The following NSG2 variants were observed in gnomAD, a reference collection of about 807,000 sequenced individuals.
NSG2 encodes neuronal vesicle trafficking-associated protein 2.
In NSG2, 4 loss-of-function variants were observed where a neutral mutation model predicts 16.9. That is an observed-to-expected ratio of 0.24 (90% CI 0.12 to 0.54). The LOEUF is 0.54. Ranked by LOEUF, NSG2 falls within the 20% of genes least tolerant of loss-of-function variation. The pLI, the probability that NSG2 is intolerant of heterozygous loss-of-function variation, is 0.95. For missense variants in NSG2, 179 were observed against 221.1 expected, an observed-to-expected ratio of 0.81 and a Z score of 1.21; for synonymous variants, 98 against 88.7, an observed-to-expected ratio of 1.11 and a Z score of -0.59.
At chr5:174,048,527 A>T (rs1759836175) in intron 2 of NSG2, among the ~76,000 whole-genome samples, 1 of 152,202 alleles carries the variant, frequency 6.6e-6, no homozygotes, top group Admixed American at 6.5e-5. Flanking sequence ...ATATAAGTAG[A>T]GGTTGGGTAG....
At chr5:174,053,414 C>T (rs1400336141) in intron 2 of NSG2, among the ~76,000 whole-genome samples, 1 of 152,034 alleles carries the variant, frequency 6.6e-6, no homozygotes, top group Non-Finnish European at 1.5e-5. Context: ...CGGGGTGGGG[C>T]CTGATGATGC....
intron 3 of NSG2, among the ~76,000 whole-genome samples, chr5:174,092,200 G>A (rs1760731421): frequency 6.6e-6 from 1 of 152,260 alleles, no homozygotes; most frequent in Admixed American, 6.5e-5. Flanking sequence ...CTGATGCTTA[G>A]TCAAGTCATA....
At chr5:174,089,414 A>AT (rs968619665) in intron 3 of NSG2, among the ~76,000 whole-genome samples, 7 of 151,294 alleles carry the variant, frequency 4.6e-5, no homozygotes, top group African/African-American at 1.7e-4. Flanking sequence ...GAGAGGGTGT[A>AT]TTTTTTTTTC....
chr5:174,058,222 T>A (rs575356379), intron 2 of NSG2, among the ~76,000 whole-genome samples: 118 of 152,164 alleles, frequency 7.8e-4, no homozygotes, highest in Non-Finnish European at 1.5e-3. Flanking sequence ...ATCTGAGTGT[T>A]GAGTGATATC....
intron 3 of NSG2, among the ~76,000 whole-genome samples, chr5:174,100,307 G>A (rs1219671464): frequency 6.6e-6 from 1 of 152,232 alleles, no homozygotes; most frequent in Non-Finnish European, 1.5e-5. Flanking sequence ...GCTGAGGCCT[G>A]GACTGCACCC....
In NSG2 at chr5:174,072,660, G is replaced by A. The variant is rs902740523; in HGVS notation, c.213+8345G>A. ...TACCCTAAGAAGCTAGCCAGCACCT[G>A]GCCGGATGAAGCAGTAAAAAATGCC... On this transcript the variant is annotated intron_variant, in intron 3 of 4. Transcript: ENST00000303177. This position sits in a 1 kb window ranked among gnomAD's most constrained non-coding sequence, Gnocchi z 4.0. Among the ~76,000 whole-genome samples, 2 of 152,184 alleles carry A rather than the reference G, an allele frequency of 1.3e-5. No homozygotes were observed. The highest frequency in any genetic ancestry group is 4.8e-5 in the African/African-American group (2 of 41,448).
At chr5:174,093,882 C>T (rs992966106) in intron 3 of NSG2, among the ~76,000 whole-genome samples, 3 of 152,184 alleles carry the variant, frequency 2.0e-5, no homozygotes, top group Non-Finnish European at 4.4e-5. Flanking sequence ...TGTTTCCTGA[C>T]ATGATGAGGG....
intron 3 of NSG2, among the ~76,000 whole-genome samples, chr5:174,067,822 TA>T (rs1426195778): frequency 6.6e-6 from 1 of 152,086 alleles, no homozygotes; most frequent in Non-Finnish European, 1.5e-5. Context: ...AGGTGGAATT[TA>T]CAGGACTTGC....
chr5:174,069,874 ATTTTTTTTTT>A (rs1374503826), intron 3 of NSG2, among the ~76,000 whole-genome samples: 2 of 113,284 alleles, frequency 1.8e-5, no homozygotes, highest in African/African-American at 7.0e-5. Context: ...AAGGTAGGCC[ATTTTTTTTTT>A]TTTTTTTTTT....
chr5:174,104,591 A>G (rs1760948078), intron 4 of NSG2, among the ~76,000 whole-genome samples: 1 of 152,166 alleles, frequency 6.6e-6, no homozygotes, highest in Admixed American at 6.5e-5. Context: ...CACATCAGCA[A>G]TGAGGGAAGC....
At chr5:174,058,771 T>G (rs886269648) in intron 2 of NSG2, among the ~76,000 whole-genome samples, 2 of 152,224 alleles carry the variant, frequency 1.3e-5, no homozygotes, top group African/African-American at 4.8e-5. Context: ...CAAGACCTTT[T>G]GAAATGGAGA....
At chr5:174,100,029 T>A (rs1760875167) in intron 3 of NSG2, among the ~76,000 whole-genome samples, 1 of 152,232 alleles carries the variant, frequency 6.6e-6, no homozygotes, top group South Asian at 2.1e-4. Flanking sequence ...GGCCTTCAGT[T>A]GCAGAAGTTA....
At chr5:174,053,592 C>T (rs1317548826) in intron 2 of NSG2, among the ~76,000 whole-genome samples, 1 of 152,120 alleles carries the variant, frequency 6.6e-6, no homozygotes, top group Non-Finnish European at 1.5e-5. Flanking sequence ...ACTGCAGGCT[C>T]CAGGCCCTAG....
At chr5:174,082,124 G>T (rs1760487362) in intron 3 of NSG2, among the ~76,000 whole-genome samples, 1 of 152,172 alleles carries the variant, frequency 6.6e-6, no homozygotes, top group Admixed American at 6.5e-5. Context: ...AGCTTTGAAA[G>T]ATTACATTTA....
At chr5:174,063,896 T>C (rs1349833014) in intron 2 of NSG2, among the ~76,000 whole-genome samples, 1 of 152,152 alleles carries the variant, frequency 6.6e-6, no homozygotes, top group Non-Finnish European at 1.5e-5. Flanking sequence ...GAGAAAAATA[T>C]AGTGTTGTGT....
intron 3 of NSG2, among the ~76,000 whole-genome samples, chr5:174,094,137 T>G (rs1760760880): frequency 6.6e-6 from 1 of 152,198 alleles, no homozygotes; most frequent in Non-Finnish European, 1.5e-5. Flanking sequence ...TGAGATACTC[T>G]AGAGTTCTAA....
At chr5:174,055,650 T>C (rs1759957765) in intron 2 of NSG2, among the ~76,000 whole-genome samples, 1 of 152,110 alleles carries the variant, frequency 6.6e-6, no homozygotes, top group African/African-American at 2.4e-5. Context: ...ATAGATTTAT[T>C]GAGGCAGATA....
In NSG2 at chr5:174,107,847, A is replaced by G. The variant is rs756083620; in HGVS notation, c.*342A>G. 3 of 455,410 alleles carry G rather than the reference A, an allele frequency of 6.6e-6. No homozygotes were observed. The highest frequency in any genetic ancestry group is 1.3e-5 in the Non-Finnish European group (3 of 234,146). The allele number at this position is 455,410 out of a possible 1,614,324, so 28.2% of individuals were successfully genotyped here. A position where few individuals can be genotyped will look rare whatever the true frequency, so the allele number is the denominator to read the frequency against. ...GAAAAGGAAAGAAACAAAGAACATGAACAAAAAGCATTAAACTGGCTCCAT... is the reference window on the plus strand; with the variant it reads ...GAAAAGGAAAGAAACAAAGAACATGGACAAAAAGCATTAAACTGGCTCCAT... On this transcript the variant is annotated 3_prime_UTR_variant, in exon 5 of 5. Coordinates refer to ENST00000303177, the MANE Select transcript of NSG2 (RefSeq NM_015980.5). This position sits in a 1 kb window ranked among gnomAD's most constrained non-coding sequence, Gnocchi z 4.5.
intron 2 of NSG2, among the ~76,000 whole-genome samples, chr5:174,061,908 AC>A (rs1484807292): frequency 5.6e-5 from 7 of 125,738 alleles, no homozygotes; most frequent in African/African-American, 2.0e-4. Context: ...GAGCCCCCAA[AC>A]TTTTTTTTTT....
Sources: allele counts gnomAD v4.1 joint callset (sites outside exome capture counted in the v4.1 genomes callset), GRCh38; gene constraint gnomAD v4.1.1; non-coding constraint Gnocchi (gnomAD v3.1); transcripts MANE v1.5; gene names NCBI Gene and HGNC (gene_info 2026-07-23, HGNC 2026-07-21).